Variants in AGBL1 observed in about 807,000 individuals in gnomAD.
AGBL1 encodes the protein cytosolic carboxypeptidase 4.
Under a neutral mutation model 118.9 loss-of-function variants are expected in AGBL1, and 130 were observed. The ratio of observed to expected loss-of-function variants is 1.09; its 90% CI spans 0.95 to 1.26. AGBL1 has a LOEUF of 1.26. Among genes scored for constraint, AGBL1 ranks in the 50% most tolerant of loss-of-function variants. The pLI is 0.00. For synonymous variants in AGBL1, 555 were observed against 478.9 expected (o/e 1.16, Z -2.08); for missense variants, 1,584 against 1,298.1 (o/e 1.22, Z -3.38).
chr15:86,146,272 T>C (rs924089658), intron 3 of AGBL1, among the ~76,000 whole-genome samples: 1 of 152,254 alleles, frequency 6.6e-6, no homozygotes, highest in African/African-American at 2.4e-5. Context: ...CAAACTTTTT[T>C]CTTGTCATTA....
chr15:86,526,591 A>G (rs2083268846), intron 19 of AGBL1, among the ~76,000 whole-genome samples: 1 of 145,660 alleles, frequency 6.9e-6, no homozygotes, highest in South Asian at 2.1e-4. Flanking sequence ...GAGTATATAT[A>G]TGTATATAGT....
At chr15:86,194,539 G>A (rs1273408287) in intron 5 of AGBL1, among the ~76,000 whole-genome samples, 1 of 152,180 alleles carries the variant, frequency 6.6e-6, no homozygotes, top group Non-Finnish European at 1.5e-5. Flanking sequence ...AGAGCATTCT[G>A]GAAATTGATG....
At chr15:86,289,871 G>C (rs1489148013) in intron 16 of AGBL1, among the ~76,000 whole-genome samples, 2 of 152,130 alleles carry the variant, frequency 1.3e-5, no homozygotes, top group African/African-American at 4.8e-5. Context: ...CATCTTCACA[G>C]GTTGCAGGGA....
intron 18 of AGBL1, among the ~76,000 whole-genome samples, chr15:86,485,222 G>A (rs78249620): frequency 0.057 from 8,655 of 152,176 alleles, 274 homozygotes; most frequent in Non-Finnish European, 0.072. Flanking sequence ...CTCAGGCCTC[G>A]TGCCAAACCT....
intron 18 of AGBL1, among the ~76,000 whole-genome samples, chr15:86,502,861 G>A (rs775937114): frequency 6.6e-6 from 1 of 151,190 alleles, no homozygotes; most frequent in East Asian, 1.9e-4. Flanking sequence ...TATTTATCAG[G>A]GACACTGTTC....
chr15:86,903,531 T>C (rs74027159), intron 22 of AGBL1, among the ~76,000 whole-genome samples: 9,134 of 152,314 alleles, frequency 0.06, 321 homozygotes, highest in African/African-American at 0.086. Context: ...GTCTTGATTA[T>C]CCTGATTCTT....
At chr15:86,667,913 C>A (rs996618425) in intron 21 of AGBL1, among the ~76,000 whole-genome samples, 1 of 152,320 alleles carries the variant, frequency 6.6e-6, no homozygotes, top group South Asian at 2.1e-4. Flanking sequence ...ATTTGGCTTA[C>A]AGTTCTGCAG....
chr15:87,013,188 A>T (rs997071935), intron 24 of AGBL1, among the ~76,000 whole-genome samples: 1 of 152,174 alleles, frequency 6.6e-6, no homozygotes, highest in Non-Finnish European at 1.5e-5. Context: ...TTATTTGCTT[A>T]CTTCATCCTC....
At chr15:86,371,439 G>A (rs1010386868) in intron 17 of AGBL1, among the ~76,000 whole-genome samples, 3 of 152,032 alleles carry the variant, frequency 2.0e-5, no homozygotes, top group African/African-American at 7.2e-5. Flanking sequence ...CTCACAGCCT[G>A]TCCTCTGCAT....
chr15:86,877,379 G>A (rs1043322673), intron 22 of AGBL1, among the ~76,000 whole-genome samples: 4 of 152,094 alleles, frequency 2.6e-5, no homozygotes, highest in Non-Finnish European at 4.4e-5. Context: ...AGTCTTGGCC[G>A]GCATGCTCTT....
intron 17 of AGBL1, among the ~76,000 whole-genome samples, chr15:86,330,501 T>G (rs1006586120): frequency 6.6e-6 from 1 of 152,094 alleles, no homozygotes; most frequent in Non-Finnish European, 1.5e-5. Flanking sequence ...TGAAAATAAT[T>G]ACACAAATTA....
chr15:86,310,025 G>C (rs943182543), intron 17 of AGBL1, among the ~76,000 whole-genome samples: 2 of 152,132 alleles, frequency 1.3e-5, no homozygotes, highest in Non-Finnish European at 2.9e-5. Context: ...TTAAATACTT[G>C]GTAGAATTTA....
intron 22 of AGBL1, among the ~76,000 whole-genome samples, chr15:86,739,466 GTAAA>G (rs1198572635): frequency 0.018 from 1,523 of 85,166 alleles, 32 homozygotes; most frequent in African/African-American, 0.064. Flanking sequence ...AAAAAAAAAA[GTAAA>G]AGAGAAAAAA....
intron 17 of AGBL1, among the ~76,000 whole-genome samples, chr15:86,331,302 A>G (rs2080265642): frequency 6.6e-6 from 1 of 151,978 alleles, no homozygotes; most frequent in Non-Finnish European, 1.5e-5. Flanking sequence ...ATTGGCATAG[A>G]TAATAATTCT....
chr15:86,825,617 C>T (rs1398531029), intron 22 of AGBL1, among the ~76,000 whole-genome samples: 1 of 126,180 alleles, frequency 7.9e-6, no homozygotes, highest in Non-Finnish European at 1.6e-5. Context: ...TATTAACCAT[C>T]AGGAAAATAA....
chr15:86,433,422 TC>T (rs895890732), intron 18 of AGBL1, among the ~76,000 whole-genome samples: 8 of 152,100 alleles, frequency 5.3e-5, no homozygotes, highest in African/African-American at 1.7e-4. Flanking sequence ...TTCAGGCTGT[TC>T]CCTGGAAATT....
chr15:86,784,774 G>T (rs1026364219), intron 22 of AGBL1, among the ~76,000 whole-genome samples: 2 of 152,206 alleles, frequency 1.3e-5, no homozygotes, highest in African/African-American at 4.8e-5. Flanking sequence ...ATACAATAGT[G>T]CTCAGTAGCT....
At chr15:86,194,481 G>A (rs2077769502) in intron 5 of AGBL1, among the ~76,000 whole-genome samples, 1 of 152,174 alleles carries the variant, frequency 6.6e-6, no homozygotes, top group Non-Finnish European at 1.5e-5. Flanking sequence ...CCAGAATGCT[G>A]TTCCTTTTAA....
chr15:87,004,934 C>T (rs561855873), intron 24 of AGBL1, among the ~76,000 whole-genome samples: 4 of 152,184 alleles, frequency 2.6e-5, no homozygotes, highest in Admixed American at 2.0e-4. Flanking sequence ...TATTTTATTT[C>T]TCCTTTACTT....
Sources: allele counts gnomAD v4.1 joint callset (sites outside exome capture counted in the v4.1 genomes callset), GRCh38; gene constraint gnomAD v4.1.1; transcripts MANE v1.5; gene names NCBI Gene and HGNC (gene_info 2026-07-23, HGNC 2026-07-21).